EXOC1: variants seen among roughly 807,000 people sequenced by gnomAD.
EXOC1 encodes the protein SEC3-like 1.
In EXOC1, 67 loss-of-function variants were observed where a neutral mutation model predicts 107.7. The observed-to-expected ratio is 0.62, with a 90% CI of 0.51 to 0.76. The LOEUF is 0.76. Among genes scored for constraint, EXOC1 ranks in the 30% least tolerant of loss-of-function variants. The probability of loss-of-function intolerance (pLI) is 0.00; values close to 1 mark genes in which losing one functional copy is unlikely to be tolerated. For missense variants in EXOC1, 833 were observed against 1,055.7 expected (o/e 0.79, Z 2.92); for synonymous variants, 348 against 353.5 (o/e 0.98, Z 0.17).
At chr4:55,871,765 C>A in intron 7 of EXOC1, 84 bp from the exon 8 acceptor site, 2 of 1,259,454 alleles carry the variant, frequency 1.6e-6, no homozygotes, top group Non-Finnish European at 2.2e-6. Context: ...TTCTTCAAAA[C>A]GTTAGATACG....
chr4:55,900,065 C>A (rs1725720634), intron 17 of EXOC1, among the ~76,000 whole-genome samples, 181 bp downstream of exon 17: 1 of 152,126 alleles, frequency 6.6e-6, no homozygotes, highest in South Asian at 2.1e-4. Flanking sequence ...TTTCTTCTTT[C>A]TGTACATTAT....
At chr4:55,873,889 A>C (rs904391901) in intron 8 of EXOC1, among the ~76,000 whole-genome samples, 1 of 152,180 alleles carries the variant, frequency 6.6e-6, no homozygotes, top group Non-Finnish European at 1.5e-5. Context: ...TTTTCATTGT[A>C]TGCTTATTAT....
intron 9 of EXOC1, among the ~76,000 whole-genome samples, chr4:55,878,580 T>C (rs571175208): frequency 6.6e-6 from 1 of 152,316 alleles, no homozygotes; most frequent in East Asian, 1.9e-4. Context: ...GAAATGAATT[T>C]TAAGCATGTG....
Position 55,896,845 on chromosome 4 carries a change from T to C in EXOC1, c.2082T>C (p.Arg694=). 6.2e-7 allele frequency: 1 copy of C among 1,611,510 alleles called. No homozygotes were observed. Among genetic ancestry groups the C allele is most frequent in the Non-Finnish European group, 8.5e-7 (1 of 1,179,208 alleles). Residue 694 remains arginine (R), a synonymous_variant, in exon 16 of 19, where the codon CGT becomes CGC. Transcript: ENST00000381295. ...LAESIFKNAE[R]RGDLDKAYTK... ...AATCAATCTTCAAAAATGCTGAGCG[T>C]CGTGGAGACCTGGATAAAGCATACA...
chr4:55,902,585 A>G, intron 18 of EXOC1, 47 bp downstream of exon 18: 16 of 1,374,928 alleles, frequency 1.2e-5, no homozygotes, highest in Non-Finnish European at 1.4e-5. Context: ...CCTTACATAT[A>G]TTGCTTTTCT....
chr4:55,895,733 C>G (rs557728506), intron 15 of EXOC1, among the ~76,000 whole-genome samples: 28 of 152,268 alleles, frequency 1.8e-4, no homozygotes, highest in African/African-American at 6.5e-4. Flanking sequence ...TCGTTTTGAA[C>G]CTAAGATTCT....
chr4:55,897,508 G>T (rs372166734), intron 16 of EXOC1, among the ~76,000 whole-genome samples: 5 of 151,954 alleles, frequency 3.3e-5, no homozygotes, highest in Non-Finnish European at 7.4e-5. Context: ...ACTGTAATTC[G>T]CTTTCTTCCT....
chr4:55,860,104 C>T (rs945154376), intron 2 of EXOC1, among the ~76,000 whole-genome samples: 6 of 152,160 alleles, frequency 3.9e-5, no homozygotes, highest in Non-Finnish European at 8.8e-5. Context: ...TCTTTCAAGC[C>T]TCACAGACTT....
rs562879636 is a variant in EXOC1, at chr4:55,862,514, A to G, written c.256-1713A>G. Among the ~76,000 whole-genome samples the G allele has an allele frequency of 6.6e-5, 10 of 152,298 alleles. No homozygotes were observed. In the East Asian group the frequency reaches 1.2e-3, roughly 18 times the overall value. Reference sequence around the variant, plus strand: ...CCAGGGAAGAGATTATTTCCCATCAAGTTTCATATTGGTTGCCAATACTCT... The same window carrying G: ...CCAGGGAAGAGATTATTTCCCATCAGGTTTCATATTGGTTGCCAATACTCT... On this transcript the variant is annotated intron_variant, in intron 3 of 18. Transcript: ENST00000381295.
intron 9 of EXOC1, among the ~76,000 whole-genome samples, chr4:55,882,133 T>C (rs558973450): frequency 6.6e-6 from 1 of 152,224 alleles, no homozygotes; most frequent in Admixed American, 6.5e-5. Flanking sequence ...TGTTTTGTTT[T>C]GTTTTTGTTT....
chr4:55,864,262 A>G lies in EXOC1; in HGVS notation c.291A>G (p.Ile97Met). The G allele has an allele frequency of 3.8e-6, 6 of 1,594,456 alleles. No individual in the cohort carries two copies. Among genetic ancestry groups the G allele is most frequent in the Non-Finnish European group, 3.4e-6 (4 of 1,170,724 alleles). The change falls in exon 4 of 19, where the codon ATA becomes ATG. Residue 97 changes from isoleucine (I) to methionine (M), a missense_variant. Physicochemically the swap from Ile to Met is conservative, Grantham distance 10. Coordinates refer to ENST00000381295, the MANE Select transcript of EXOC1 (RefSeq NM_001024924.2). Reference sequence around the variant, plus strand: ...AATTTGATTTACACTTTGAAAAAATATATAAATGGGTTGCCAGCAGCACTG... The same window carrying G: ...AATTTGATTTACACTTTGAAAAAATGTATAAATGGGTTGCCAGCAGCACTG... ...NPEFDLHFEK[I>M]YKWVASSTAE...
chr4:55,858,963 T>G (rs1721232827), intron 2 of EXOC1, among the ~76,000 whole-genome samples: 2 of 152,212 alleles, frequency 1.3e-5, no homozygotes, highest in Non-Finnish European at 2.9e-5. Context: ...GATCCTTCCC[T>G]GTATCTTTTG....
chr4:55,876,642 G>A (rs1722924642), intron 8 of EXOC1: 1 of 985,134 alleles, frequency 1.0e-6, no homozygotes, highest in Non-Finnish European at 1.2e-6. Context: ...TGTTGCCCCT[G>A]TGTTCTAGTT....
intron 17 of EXOC1, 40 bp downstream of exon 17, chr4:55,899,924 C>G (rs1441350129): frequency 5.2e-6 from 8 of 1,540,586 alleles, no homozygotes; most frequent in Non-Finnish European, 7.1e-6. Flanking sequence ...TACTTTTGAA[C>G]CTATACACAT....
At position 55,883,868 on chromosome 4, in the gene EXOC1, G is replaced by A. The variant is rs760902141; in HGVS notation, c.1270G>A (p.Asp424Asn). The A allele has an allele frequency of 2.8e-5, 45 of 1,605,910 alleles. No homozygotes were observed. The South Asian group carries it at 4.7e-4, about 17-fold the overall frequency. The change falls in exon 10 of 19, where the codon GAT becomes AAT. Residue 424 changes from aspartate (D) to asparagine (N), a missense_variant. Asp to Asn is a conservative substitution (Grantham distance 23, BLOSUM62 1). This residue lies in a region of EXOC1 where 617 missense variants were observed against 701.3 expected (regional missense o/e 0.88). Coordinates refer to ENST00000381295, the MANE Select transcript of EXOC1 (RefSeq NM_001024924.2). Reference sequence around the variant, plus strand: ...CCGACTATATGAAAGAGAAATCAAAGATTTCTTTGAAGTTGCAAAGATCAA... The same window carrying A: ...CCGACTATATGAAAGAGAAATCAAAAATTTCTTTGAAGTTGCAAAGATCAA... ...LSRLYEREIK[D>N]FFEVAKIKMT...
chr4:55,868,306 T>C, intron 4 of EXOC1, 30 bp from the exon 5 acceptor site: 2 of 1,572,984 alleles, frequency 1.3e-6, no homozygotes, highest in Non-Finnish European at 1.7e-6. Flanking sequence ...CTTTTTTGAC[T>C]ATTTTACTTT....
intron 9 of EXOC1, chr4:55,883,436 G>C (rs1723589047): frequency 6.5e-6 from 1 of 154,542 alleles, no homozygotes; most frequent in African/African-American, 2.4e-5. Flanking sequence ...CTGTGTTAGG[G>C]GATTGGTTTA....
intron 12 of EXOC1, among the ~76,000 whole-genome samples, chr4:55,890,649 GTTGT>G (rs1358391091): frequency 6.6e-6 from 1 of 151,982 alleles, no homozygotes; most frequent in Non-Finnish European, 1.5e-5. Context: ...TCAAATCTAA[GTTGT>G]TTGGGCACCT....
At chr4:55,872,104 C>A in intron 8 of EXOC1, 146 bp downstream of exon 8, 1 of 757,670 alleles carries the variant, frequency 1.3e-6, no homozygotes, top group Non-Finnish European at 2.1e-6. Flanking sequence ...GAAATAGGAG[C>A]CTCTTTGCTC....
Sources: allele counts gnomAD v4.1 joint callset (sites outside exome capture counted in the v4.1 genomes callset), GRCh38; gene constraint gnomAD v4.1.1; regional missense constraint gnomAD v4.1.1; transcripts MANE v1.5; gene names NCBI Gene and HGNC (gene_info 2026-07-23, HGNC 2026-07-21).